The following IGBP1 variants were observed in gnomAD, a reference collection of about 807,000 sequenced individuals.
IGBP1 encodes immunoglobulin binding protein 1.
Under a neutral mutation model 25.9 loss-of-function variants are expected in IGBP1, and 2 were observed. The observed-to-expected ratio is 0.08, with a 90% CI of 0.03 to 0.24. IGBP1 has a LOEUF of 0.24. IGBP1 is among the 10% of genes least tolerant of loss of function. IGBP1 has a pLI of 1.00. For synonymous variants in IGBP1, 96 were observed against 93.4 expected (o/e 1.03, Z -0.16); for missense variants, 187 against 260.4 (o/e 0.72, Z 1.94).
intron 5 of IGBP1, chrX:70,149,064 A>G (rs989501349): frequency 8.3e-6 from 3 of 360,848 alleles, no homozygotes; most frequent in African/African-American, 7.8e-5. Flanking sequence ...CCCTGTCTCT[A>G]CTAAAAATAC....
intron 6 of IGBP1, among the ~76,000 whole-genome samples, chrX:70,154,749 T>TAAAAAAAA (rs2085228569): frequency 1.4e-5 from 1 of 74,065 alleles, no homozygotes; most frequent in African/African-American, 6.8e-5. Context: ...TTTAAAAAAC[T>TAAAAAAAA]AGCCAAGTGT....
chrX:70,161,668 C>G (rs1336083240), intron 6 of IGBP1, among the ~76,000 whole-genome samples: 1 of 112,200 alleles, frequency 8.9e-6, no homozygotes, highest in Non-Finnish European at 1.9e-5. Context: ...TGGGCAAAAT[C>G]ATCTAACACA....
chrX:70,165,524 G>T (rs764722945), intron 6 of IGBP1, among the ~76,000 whole-genome samples: 24 of 110,436 alleles, frequency 2.2e-4, no homozygotes, highest in Admixed American at 8.7e-4. Context: ...TAGGGGCTTG[G>T]GGGGGGTGGG....
chrX:70,147,280 G>A (rs1307336745), intron 4 of IGBP1, among the ~76,000 whole-genome samples: 1 of 110,946 alleles, frequency 9.0e-6, no homozygotes, highest in Non-Finnish European at 1.9e-5. Flanking sequence ...AAAAATAGCC[G>A]GGTGTGGTGG....
intron 3 of IGBP1, among the ~76,000 whole-genome samples, chrX:70,142,289 C>T (rs939103061): frequency 4.5e-5 from 5 of 111,264 alleles, no homozygotes; most frequent in African/African-American, 1.6e-4. Flanking sequence ...TGTGATCACA[C>T]CACTGTACTC....
intron 6 of IGBP1, among the ~76,000 whole-genome samples, chrX:70,158,673 A>G (rs1257731134): frequency 9.1e-6 from 1 of 109,636 alleles, no homozygotes; most frequent in Non-Finnish European, 1.9e-5. Flanking sequence ...CTCTACTAAA[A>G]ATACAAAAAA....
intron 6 of IGBP1, among the ~76,000 whole-genome samples, chrX:70,155,053 A>G (rs1001528911): frequency 1.8e-5 from 2 of 112,254 alleles, no homozygotes; most frequent in Non-Finnish European, 3.8e-5. Flanking sequence ...AGATACCACT[A>G]TACACCTGAT....
intron 6 of IGBP1, among the ~76,000 whole-genome samples, chrX:70,163,420 A>G (rs986231195): frequency 1.8e-5 from 2 of 111,241 alleles, no homozygotes; most frequent in South Asian, 3.8e-4. Context: ...AGGGAACCCA[A>G]TATCTTGAGA....
In IGBP1 at chrX:70,160,361, G is replaced by T. The variant is rs762758560; in HGVS notation, c.872-5472G>T. 2.9e-3 allele frequency among the ~76,000 whole-genome samples: 326 copies of T among 112,131 alleles called. 2 individuals are homozygous for T. The highest frequency in any genetic ancestry group is 2.8e-3 in the Admixed American group (30 of 10,570). ...AGCCACAGACATCTCAGTAAAAATA[G>T]TAAGTGATTTATAAAGGAAAGCAAC... On this transcript the variant is annotated intron_variant, in intron 6 of 6. Coordinates refer to ENST00000356413, the MANE Select transcript of IGBP1 (RefSeq NM_001551.3).
At chrX:70,134,491 C>T (rs756592864) in intron 2 of IGBP1, 32 bp from the exon 3 acceptor site, 1 of 1,198,502 alleles carries the variant, frequency 8.3e-7, no homozygotes, top group Admixed American at 2.2e-5. Context: ...AATGCCTAGT[C>T]AGGCTTCACT....
chrX:70,140,584 T>C lies in IGBP1; in HGVS notation c.482+5768T>C, dbSNP rs771784825. ...ATGGTTAGAAAACAAATTACTCAGA[T>C]CCTTATTTACTTTCCAGAAGTCCCC... On this transcript the variant is annotated intron_variant, in intron 3 of 6. Transcript: ENST00000356413. Among the ~76,000 whole-genome samples the C allele has an allele frequency of 9.8e-5, 11 of 112,488 alleles. No homozygotes were observed. In the South Asian group the frequency reaches 2.9e-3, roughly 30 times the overall value.
At chrX:70,139,439 A>G (rs913722336) in intron 3 of IGBP1, among the ~76,000 whole-genome samples, 1 of 112,151 alleles carries the variant, frequency 8.9e-6, no homozygotes, top group East Asian at 2.8e-4. Context: ...TGCCTGACAG[A>G]TATCAACACT....
intron 3 of IGBP1, among the ~76,000 whole-genome samples, chrX:70,143,928 A>C (rs758759333): frequency 1.8e-5 from 2 of 112,700 alleles, no homozygotes; most frequent in African/African-American, 6.4e-5. Flanking sequence ...GCGGTGGCTC[A>C]CGCCTGGAAC....
chrX:70,160,983 T>A (rs1465478536), intron 6 of IGBP1, among the ~76,000 whole-genome samples: 2 of 111,679 alleles, frequency 1.8e-5, no homozygotes, highest in Admixed American at 9.5e-5. Context: ...AGATTTTTTT[T>A]AAACCCTGTA....
At chrX:70,144,707 T>C (rs1262681121) in intron 3 of IGBP1, among the ~76,000 whole-genome samples, 1 of 84,545 alleles carries the variant, frequency 1.2e-5, no homozygotes, top group African/African-American at 4.5e-5. Flanking sequence ...GTTGCCAGGC[T>C]GGAATGCAGT....
intron 3 of IGBP1, among the ~76,000 whole-genome samples, chrX:70,144,108 A>C (rs1181855902): frequency 8.9e-6 from 1 of 112,270 alleles, no homozygotes; most frequent in Non-Finnish European, 1.9e-5. Flanking sequence ...GAATCACTTG[A>C]ACCCAGGAGG....
intron 6 of IGBP1, among the ~76,000 whole-genome samples, chrX:70,161,436 T>C (rs774048881): frequency 4.5e-5 from 5 of 111,500 alleles, no homozygotes; most frequent in Non-Finnish European, 9.4e-5. Flanking sequence ...CTTGGAGAAA[T>C]AGCTGATTCT....
chrX:70,157,069 G>T (rs1041471672), intron 6 of IGBP1, among the ~76,000 whole-genome samples: 2 of 111,959 alleles, frequency 1.8e-5, no homozygotes, highest in Non-Finnish European at 3.8e-5. Context: ...AAAACATACT[G>T]TACACAATAA....
At chrX:70,134,227 G>A (rs978655381) in intron 2 of IGBP1, 92 bp downstream of exon 2, 6 of 847,507 alleles carry the variant, frequency 7.1e-6, no homozygotes, top group Non-Finnish European at 1.0e-5. Context: ...GGGACCTTTA[G>A]TGGTGAGAAC....
Sources: allele counts gnomAD v4.1 joint callset (sites outside exome capture counted in the v4.1 genomes callset), GRCh38; gene constraint gnomAD v4.1.1; transcripts MANE v1.5; gene names NCBI Gene and HGNC (gene_info 2026-07-23, HGNC 2026-07-21).